Variants in VDR observed in about 807,000 individuals in gnomAD.
VDR encodes vitamin D receptor, also known as vitamin D3 receptor.
A neutral mutation model predicts 39.7 loss-of-function variants in VDR; 19 were observed. The ratio of observed to expected loss-of-function variants is 0.48; its 90% CI spans 0.33 to 0.70. VDR has a LOEUF of 0.70. Ranked by LOEUF, VDR falls within the 30% of genes least tolerant of loss-of-function variation. The pLI, the probability that VDR is intolerant of heterozygous loss-of-function variation, is 0.02. For synonymous variants in VDR, 242 were observed against 215.8 expected (o/e 1.12, Z -1.07); for missense variants, 442 against 570.5 (o/e 0.77, Z 2.29).
rs372194583 is a variant in VDR at position 47,857,492 on chromosome 12, A to C, written c.462+12T>G. ...CTCTGGACCGGCTCATCCTCCCAGC[A>C]GGCAGACATACCCGGAACTGGCAGA... is the stretch of plus-strand genomic sequence containing the variant. On this transcript the variant is annotated intron_variant, in intron 5 of 9. Transcript: ENST00000549336. The C allele has an allele frequency of 6.2e-7, 1 of 1,613,970 alleles. No homozygotes were observed. The highest frequency in any genetic ancestry group is 1.7e-5 in the Admixed American group (1 of 59,996).
chr12:47,865,048 C>G lies in VDR; in HGVS notation c.276G>C (p.Glu92Asp). The part of the protein sequence containing the change: ...KRCVDIGMMK[E>D]FILTDEEVQR... ...CCTGCCCAGCCCCTGGACACTCACA[C>G]TCCTTCATCATGCCGATGTCCACAC... The change falls in exon 4 of 10, where the codon GAG becomes GAC. Residue 92 changes from glutamate (E) to aspartate (D), a missense_variant and splice_region_variant. Physicochemically the swap from Glu to Asp is conservative, Grantham distance 45. Coordinates refer to ENST00000549336, the MANE Select transcript of VDR (RefSeq NM_000376.3). The G allele has an allele frequency of 6.2e-7, 1 of 1,613,208 alleles. No individual in the cohort carries two copies. The highest frequency in any genetic ancestry group is 8.5e-7 in the Non-Finnish European group (1 of 1,179,262).
chr12:47,876,475 A>C (rs1946007257), intron 3 of VDR, among the ~76,000 whole-genome samples: 1 of 152,210 alleles, frequency 6.6e-6, no homozygotes, highest in African/African-American at 2.4e-5. Context: ...GATCTAAGTA[A>C]GGTAGACTGA....
rs368441608 is a variant in VDR at position 47,879,100 on chromosome 12, G to A, written c.14C>T (p.Ala5Val). The change falls in exon 3 of 10, where the codon GCG (alanine) becomes GTG (valine). Residue 5 changes from alanine to valine, a missense_variant. By Grantham distance (64) the Ala-to-Val change is moderately conservative (BLOSUM62 0). Coordinates refer to ENST00000549336, the MANE Select transcript of VDR (RefSeq NM_000376.3). The part of the protein sequence containing the change: MEAM[A>V]ASTSLPDPGD... ...AGGGTCAGGCAGGGAAGTGCTGGCC[G>A]CCATTGCCTCCATCCCTGTAAGAAC... is the stretch of plus-strand genomic sequence containing the variant. 30 of 1,613,800 alleles carry A rather than the reference G, an allele frequency of 1.9e-5. No homozygotes were observed. Among genetic ancestry groups the A allele is most frequent in the Admixed American group, 5.0e-5 (3 of 59,984 alleles).
At chr12:47,858,265 G>A (rs375775104) in intron 4 of VDR, among the ~76,000 whole-genome samples, 6 of 152,346 alleles carry the variant, frequency 3.9e-5, no homozygotes, top group East Asian at 1.9e-4. Context: ...AAGAGAGGAT[G>A]CCAGAGCTCT....
chr12:47,885,971 G>A (rs1946245576), intron 1 of VDR, among the ~76,000 whole-genome samples: 1 of 152,230 alleles, frequency 6.6e-6, no homozygotes, highest in Non-Finnish European at 1.5e-5. Flanking sequence ...CAATGAGCAG[G>A]AAGGGCACAA....
At chr12:47,895,405 G>A (rs1946446188) in intron 1 of VDR, among the ~76,000 whole-genome samples, 1 of 152,218 alleles carries the variant, frequency 6.6e-6, no homozygotes, top group Non-Finnish European at 1.5e-5. Context: ...GGGAGGGAGA[G>A]AAGGAGGAGG....
chr12:47,904,861 C>A (rs1197925259), intron 1 of VDR, 94 bp downstream of exon 1: 1 of 367,530 alleles, frequency 2.7e-6, no homozygotes, highest in Non-Finnish European at 4.9e-6. Context: ...GACTCTAATG[C>A]TCGCAGCCGG....
intron 1 of VDR, 153 bp downstream of exon 1, chr12:47,904,802 A>G (rs1238056423): frequency 3.5e-6 from 2 of 579,166 alleles, no homozygotes; most frequent in African/African-American, 1.9e-5. Context: ...TCCCAGCCTC[A>G]TGGCACGACA....
chr12:47,863,696 C>T (rs1373667759), intron 4 of VDR, among the ~76,000 whole-genome samples: 1 of 152,210 alleles, frequency 6.6e-6, no homozygotes, highest in Non-Finnish European at 1.5e-5. Flanking sequence ...CCCAGGCCTG[C>T]ACCCTGTGAT....
chr12:47,852,031 T>C (rs1032918542), intron 7 of VDR, among the ~76,000 whole-genome samples: 6 of 152,156 alleles, frequency 3.9e-5, no homozygotes, highest in African/African-American at 1.4e-4. Flanking sequence ...TCAGGGTACA[T>C]GTGGGAGGGC....
chr12:47,887,200 T>C lies in VDR; in HGVS notation c.-83-4426A>G, dbSNP rs11168282. Among the ~76,000 whole-genome samples the C allele has an allele frequency of 9.0e-4, 136 of 151,318 alleles. 1 individual carries two copies. In the East Asian group the frequency reaches 0.023, roughly 25 times the overall value. On this transcript the variant is annotated intron_variant, in intron 1 of 9. Transcript: ENST00000549336. The stretch of plus-strand genomic sequence containing the variant: ...AGCCGGCTTTGGTGGCGGGTGCCTG[T>C]AATCCCAGCTACTCAGGAGGCTGAG...
At chr12:47,866,940 A>C (rs1945747591) in intron 3 of VDR, among the ~76,000 whole-genome samples, 1 of 152,046 alleles carries the variant, frequency 6.6e-6, no homozygotes, top group Non-Finnish European at 1.5e-5. Flanking sequence ...AGGTTGCAGT[A>C]GGCCAAGATC....
intron 2 of VDR, 71 bp downstream of exon 2, chr12:47,882,623 G>GCCCCCGGGGCCCCC: frequency 1.8e-6 from 1 of 543,280 alleles, no homozygotes; most frequent in Non-Finnish European, 3.2e-6. Flanking sequence ...ACCTTCTTAT[G>GCCCCCGGGGCCCCC]CCCCTCCCCC....
chr12:47,844,722 A>G lies in VDR; in HGVS notation c.*24T>C. On this transcript the variant is annotated 3_prime_UTR_variant, in exon 10 of 10. Coordinates refer to ENST00000549336, the MANE Select transcript of VDR (RefSeq NM_000376.3). ...TGGCCCTGGAGGAGCAGCCCCACCC[A>G]GGCACCGCCACAGGCTGTCCTAGTC... is the stretch of plus-strand genomic sequence containing the variant. The G allele has an allele frequency of 1.2e-6, 2 of 1,613,186 alleles. No homozygotes were observed. Among genetic ancestry groups the G allele is most frequent in the Non-Finnish European group, 1.7e-6 (2 of 1,179,522 alleles).
At chr12:47,847,115 G>A (rs1488353255) in intron 7 of VDR, among the ~76,000 whole-genome samples, 5 of 152,160 alleles carry the variant, frequency 3.3e-5, no homozygotes, top group Non-Finnish European at 7.3e-5. Flanking sequence ...TCCCAGCATT[G>A]AGGCATGAAT....
At position 47,850,973 on chromosome 12, in the gene VDR, C is replaced by G. The variant is rs182464089; in HGVS notation, c.756-4165G>C. On this transcript the variant is annotated intron_variant, in intron 7 of 9. Coordinates refer to ENST00000549336, the MANE Select transcript of VDR (RefSeq NM_000376.3). ...TATCTCTTTCATCAGACACCAAATC[C>G]CTGGATGCCAGGGACTGTCTTCTCA... 1.5e-3 allele frequency among the ~76,000 whole-genome samples: 222 copies of G among 152,214 alleles called. 2 individuals carry two copies. Among genetic ancestry groups the G allele is most frequent in the African/African-American group, 5.0e-3 (208 of 41,516 alleles).
At chr12:47,880,624 C>G (rs1946127603) in intron 2 of VDR, among the ~76,000 whole-genome samples, 1 of 152,198 alleles carries the variant, frequency 6.6e-6, no homozygotes, top group South Asian at 2.1e-4. Flanking sequence ...CGGTCACAGA[C>G]CTCGGAGATT....
intron 3 of VDR, among the ~76,000 whole-genome samples, chr12:47,877,710 T>TAGAAGGCCCACCCTGCAGG (rs1423371991): frequency 6.6e-6 from 1 of 152,170 alleles, no homozygotes; most frequent in Non-Finnish European, 1.5e-5. Context: ...ACTGGGGCTC[T>TAGAAGGCCCACCCTGCAGG]AGAAGGCCCA....
intron 2 of VDR, 59 bp from the exon 3 acceptor site, chr12:47,879,174 C>A: frequency 6.3e-7 from 1 of 1,583,026 alleles, no homozygotes; most frequent in South Asian, 1.1e-5. Context: ...GGCCAGCTGG[C>A]ATCCTTGGTG....
Sources: allele counts gnomAD v4.1 joint callset (sites outside exome capture counted in the v4.1 genomes callset), GRCh38; gene constraint gnomAD v4.1.1; transcripts MANE v1.5; gene names NCBI Gene and HGNC (gene_info 2026-07-23, HGNC 2026-07-21).